ADORA1: variants seen among roughly 807,000 people sequenced by gnomAD.
ADORA1 encodes the protein adenosine receptor A1.
Under a neutral mutation model 19.9 loss-of-function variants are expected in ADORA1, and 6 were observed. That is an observed-to-expected ratio of 0.30 (90% CI 0.17 to 0.59). ADORA1 has a LOEUF of 0.59. Among genes scored for constraint, ADORA1 ranks in the 20% least tolerant of loss-of-function variants. ADORA1 has a pLI of 0.87. For missense variants in ADORA1, 302 were observed against 439.2 expected, an observed-to-expected ratio of 0.69 and a Z score of 2.79; for synonymous variants, 194 against 188.4, an observed-to-expected ratio of 1.03 and a Z score of -0.24.
Position 203,153,839 on chromosome 1 carries a change from A to G in ADORA1, c.342-11422A>G, listed in dbSNP as rs74462391. 6.2e-3 allele frequency among the ~76,000 whole-genome samples: 937 copies of G among 152,314 alleles called. 10 individuals carry two copies. The highest frequency in any genetic ancestry group is 0.022 in the African/African-American group (897 of 41,544). On this transcript the variant is annotated intron_variant, in intron 3 of 3. Transcript: ENST00000337894. ...GAATTTCTCCACAGGAAGTAGTTTA[A>G]TAGTCTGAAAGCCTTACTTTCCTGC...
At chr1:203,158,317 C>G (rs1655258152) in intron 3 of ADORA1, among the ~76,000 whole-genome samples, 1 of 152,180 alleles carries the variant, frequency 6.6e-6, no homozygotes, top group South Asian at 2.1e-4. Context: ...ACAATTCCAC[C>G]AAGTTCTTTA....
chr1:203,150,644 G>T (rs1394340510), intron 3 of ADORA1: 9 of 1,289,596 alleles, frequency 7.0e-6, no homozygotes, highest in Non-Finnish European at 9.1e-6. Flanking sequence ...CCCAAAAGTG[G>T]TGTCTTCTTG....
intron 3 of ADORA1, among the ~76,000 whole-genome samples, chr1:203,131,255 C>T (rs190117335): frequency 2.6e-5 from 4 of 152,302 alleles, no homozygotes; most frequent in South Asian, 2.1e-4. Flanking sequence ...CACATACACA[C>T]GAAGAAACAC....
intron 3 of ADORA1, among the ~76,000 whole-genome samples, chr1:203,154,146 G>T (rs1199071549): frequency 6.6e-6 from 1 of 152,162 alleles, no homozygotes; most frequent in Non-Finnish European, 1.5e-5. Context: ...CCCTGCTCTG[G>T]TCTCAGCAGT....
chr1:203,128,439 T>A lies in ADORA1; in HGVS notation c.-58+7T>A, dbSNP rs201628082. 2.1e-5 allele frequency: 27 copies of A among 1,292,642 alleles called. No homozygotes were observed. Among genetic ancestry groups the A allele is most frequent in the Non-Finnish European group, 2.6e-5 (26 of 990,852 alleles). The allele number at this position is 1,292,642 out of a possible 1,614,324, so 80.1% of individuals were successfully genotyped here. A position where few individuals can be genotyped will look rare whatever the true frequency, so the allele number is the denominator to read the frequency against. ...CCGGCCAGCAGGCAGGATGGTGAGC[T>A]CCCTGCATCCTGTTCTGTGCACAGG... On this transcript the variant is annotated splice_region_variant and intron_variant, in intron 2 of 3. Transcript: ENST00000337894. The surrounding 1 kb of genome is among the most constrained non-coding windows in gnomAD (Gnocchi z 5.9).
At chr1:203,161,868 C>T (rs1249537880) in intron 3 of ADORA1, among the ~76,000 whole-genome samples, 1 of 152,210 alleles carries the variant, frequency 6.6e-6, no homozygotes, top group Non-Finnish European at 1.5e-5. Flanking sequence ...AGCCACCGCG[C>T]CCGGCCCCCT....
chr1:203,128,833 G>A lies in ADORA1; in HGVS notation c.-9G>A, dbSNP rs1654237984. 1.3e-6 allele frequency: 2 copies of A among 1,583,618 alleles called. No homozygotes were observed. Among genetic ancestry groups the A allele is most frequent in the Non-Finnish European group, 1.7e-6 (2 of 1,168,372 alleles). On this transcript the variant is annotated 5_prime_UTR_variant, in exon 3 of 4. In the 5' UTR this introduces an upstream ATG that the reference lacks. Transcript: ENST00000337894. This position sits in a 1 kb window ranked among gnomAD's most constrained non-coding sequence, Gnocchi z 5.9. ...GCCCGTCTGCTGATGTGCCCAGCCT[G>A]TGCCCGCCATGCCGCCCTCCATCTC...
Position 203,128,907 on chromosome 1 carries a change from C to T in ADORA1, c.66C>T (p.Val22=). The T allele has an allele frequency of 6.2e-7, 1 of 1,613,650 alleles. No homozygotes were observed. The change falls in exon 3 of 4, where the codon GTC becomes GTT. Residue 22 remains valine (V), a synonymous_variant. Coordinates refer to ENST00000337894, the MANE Select transcript of ADORA1 (RefSeq NM_000674.3). The surrounding 1 kb of genome is among the most constrained non-coding windows in gnomAD (Gnocchi z 5.9). ...GCATCGAGGTGCTCATCGCCCTGGT[C>T]TCTGTGCCCGGGAACGTGCTGGTGA... The part of the protein sequence containing the change: ...YIGIEVLIAL[V]SVPGNVLVIW...
intron 3 of ADORA1, among the ~76,000 whole-genome samples, chr1:203,158,459 T>C (rs1330439898): frequency 1.3e-5 from 2 of 152,212 alleles, no homozygotes; most frequent in Non-Finnish European, 2.9e-5. Flanking sequence ...ATTCAAATCA[T>C]CCCTTAAAAG....
rs1386894156 is a variant in ADORA1 at position 203,128,648 on chromosome 1, G to T, written c.-57-137G>T. 2 of 1,083,820 alleles carry T rather than the reference G, an allele frequency of 1.8e-6. No individual in the cohort carries two copies. The highest frequency in any genetic ancestry group is 2.6e-6 in the Non-Finnish European group (2 of 778,406). The allele number at this position is 1,083,820 out of a possible 1,614,324, so 67.1% of individuals were successfully genotyped here. A position where few individuals can be genotyped will look rare whatever the true frequency, so the allele number is the denominator to read the frequency against. Reference sequence around the variant, plus strand: ...ACAAAGATTAGGCAGAGAAGGGTCCGGGTGCCCCTCCAGCCTGGGTAGGAG... The same window carrying T: ...ACAAAGATTAGGCAGAGAAGGGTCCTGGTGCCCCTCCAGCCTGGGTAGGAG... On this transcript the variant is annotated intron_variant, in intron 2 of 3. Coordinates refer to ENST00000337894, the MANE Select transcript of ADORA1 (RefSeq NM_000674.3). The surrounding 1 kb of genome is among the most constrained non-coding windows in gnomAD (Gnocchi z 5.9).
At chr1:203,155,211 T>G (rs2102759512) in intron 3 of ADORA1, among the ~76,000 whole-genome samples, 1 of 152,032 alleles carries the variant, frequency 6.6e-6, no homozygotes, top group Non-Finnish European at 1.5e-5. Flanking sequence ...CCAGCCAGTT[T>G]TTGTATTTTT....
intron 3 of ADORA1, among the ~76,000 whole-genome samples, chr1:203,162,177 TG>T (rs1372206016): frequency 6.6e-6 from 1 of 152,206 alleles, no homozygotes; most frequent in Non-Finnish European, 1.5e-5. Flanking sequence ...CTCCTGGCCT[TG>T]GGAGGCAGCC....
chr1:203,141,489 A>G (rs1392402934), intron 3 of ADORA1, among the ~76,000 whole-genome samples: 2 of 150,452 alleles, frequency 1.3e-5, no homozygotes, highest in Non-Finnish European at 3.0e-5. Context: ...GCACACCCAC[A>G]CTGCTGGAAT....
intron 3 of ADORA1, among the ~76,000 whole-genome samples, chr1:203,158,930 C>T (rs1452301584): frequency 1.3e-5 from 2 of 152,218 alleles, no homozygotes; most frequent in Non-Finnish European, 2.9e-5. Flanking sequence ...GCCACTTCTG[C>T]AATTAATGGC....
At chr1:203,155,016 T>TTTTTTATTATTA (rs372591619) in intron 3 of ADORA1, among the ~76,000 whole-genome samples, 40 of 142,360 alleles carry the variant, frequency 2.8e-4, no homozygotes, top group Admixed American at 1.5e-3. Flanking sequence ...GCTCTTCCTA[T>TTTTTTATTATTA]TTATTATTAT....
At chr1:203,140,555 C>G (rs1654647939) in intron 3 of ADORA1, among the ~76,000 whole-genome samples, 1 of 152,154 alleles carries the variant, frequency 6.6e-6, no homozygotes, top group Admixed American at 6.5e-5. Flanking sequence ...CACTCCCCAG[C>G]TCTCCTCCCC....
chr1:203,134,626 A>C (rs1654448685), intron 3 of ADORA1, among the ~76,000 whole-genome samples: 1 of 152,242 alleles, frequency 6.6e-6, no homozygotes, highest in African/African-American at 2.4e-5. Context: ...ACCCAGAGGC[A>C]GATCTGTAGG....
chr1:203,131,604 G>A (rs893109356), intron 3 of ADORA1, among the ~76,000 whole-genome samples: 76 of 152,182 alleles, frequency 5.0e-4, no homozygotes, highest in African/African-American at 1.7e-3. Context: ...CTGGCTCAGC[G>A]TGGCTCCTTG....
intron 3 of ADORA1, among the ~76,000 whole-genome samples, chr1:203,162,862 T>A (rs532887083): frequency 2.0e-5 from 3 of 152,162 alleles, no homozygotes; most frequent in Non-Finnish European, 2.9e-5. Context: ...GCAGATGTGA[T>A]GGGTGGTGGG....
Sources: allele counts gnomAD v4.1 joint callset (sites outside exome capture counted in the v4.1 genomes callset), GRCh38; gene constraint gnomAD v4.1.1; non-coding constraint Gnocchi (gnomAD v3.1); transcripts MANE v1.5; gene names NCBI Gene and HGNC (gene_info 2026-07-23, HGNC 2026-07-21).